The following TNNI3K variants were observed in gnomAD, a reference collection of about 807,000 sequenced individuals.
TNNI3K encodes TNNI3 interacting kinase.
A neutral mutation model predicts 114.5 loss-of-function variants in TNNI3K; 140 were observed. The ratio of observed to expected loss-of-function variants is 1.22; its 90% CI spans 1.07 to 1.41. The LOEUF (loss-of-function observed/expected upper bound fraction) is 1.41. TNNI3K is among the 40% of genes most tolerant of loss of function. The probability of loss-of-function intolerance (pLI) is 0.00; values close to 1 mark genes in which losing one functional copy is unlikely to be tolerated. For synonymous variants in TNNI3K, 347 were observed against 347.5 expected, an observed-to-expected ratio of 1.00 and a Z score of 0.02; for missense variants, 1,125 against 1,007.6, an observed-to-expected ratio of 1.12 and a Z score of -1.58.
At chr1:74,344,970 T>A (rs1295060072) in intron 9 of TNNI3K, among the ~76,000 whole-genome samples, 1 of 152,170 alleles carries the variant, frequency 6.6e-6, no homozygotes, top group Non-Finnish European at 1.5e-5. Flanking sequence ...GGTTTTCATA[T>A]GTATACACAC....
At chr1:74,508,624 G>T (rs964778711) in intron 23 of TNNI3K, among the ~76,000 whole-genome samples, 1 of 152,152 alleles carries the variant, frequency 6.6e-6, no homozygotes, top group Non-Finnish European at 1.5e-5. Context: ...CTGCCAGAGC[G>T]GTAGCATGGG....
chr1:74,276,719 T>C (rs1656708551), intron 5 of TNNI3K, among the ~76,000 whole-genome samples: 1 of 152,136 alleles, frequency 6.6e-6, no homozygotes, highest in Admixed American at 6.6e-5. Context: ...GGACTCTTTG[T>C]CTCCACATAT....
chr1:74,324,049 G>T (rs1187045406), intron 5 of TNNI3K, among the ~76,000 whole-genome samples: 1 of 152,136 alleles, frequency 6.6e-6, no homozygotes, highest in Non-Finnish European at 1.5e-5. Flanking sequence ...ATAAGGAAAA[G>T]GTCATAATTT....
intron 5 of TNNI3K, among the ~76,000 whole-genome samples, chr1:74,275,366 T>A (rs1393918478): frequency 6.6e-6 from 1 of 152,076 alleles, no homozygotes; most frequent in Non-Finnish European, 1.5e-5. Context: ...CTGAGACTTA[T>A]TCACTGCCAC....
chr1:74,385,704 C>CA (rs1171180178), intron 17 of TNNI3K, among the ~76,000 whole-genome samples: 1 of 152,170 alleles, frequency 6.6e-6, no homozygotes, highest in Non-Finnish European at 1.5e-5. Flanking sequence ...GTTAAGAGTT[C>CA]AGTCCAAGCA....
chr1:74,261,529 A>G (rs961371803), intron 4 of TNNI3K, among the ~76,000 whole-genome samples: 7 of 152,126 alleles, frequency 4.6e-5, no homozygotes, highest in South Asian at 2.1e-4. Flanking sequence ...ATATCCCTCT[A>G]TAGGGCATAC....
chr1:74,363,023 G>A (rs1452742444), intron 11 of TNNI3K, among the ~76,000 whole-genome samples: 1 of 151,780 alleles, frequency 6.6e-6, no homozygotes, highest in Non-Finnish European at 1.5e-5. Flanking sequence ...GGTGTAGATA[G>A]TAAATTCTTA....
Position 74,477,946 on chromosome 1 carries a change from A to G in TNNI3K, c.2122-11243A>G, listed in dbSNP as rs3737567. ...CATTACAGCTTCATAAAAACTTTTT[A>G]TCTACCAGTTCATAGTGTAAGTGTC... On this transcript the variant is annotated intron_variant, in intron 21 of 24. Transcript: ENST00000326637. 1.2e-4 allele frequency among the ~76,000 whole-genome samples: 18 copies of G among 152,330 alleles called. 1 individual carries two copies. In the East Asian group the frequency reaches 3.5e-3, roughly 29 times the overall value.
rs144258020 is a variant in TNNI3K, at chr1:74,475,689, A to G, written c.2121+12139A>G. 2,008 of 713,948 alleles carry G rather than the reference A, an allele frequency of 2.8e-3. 7 individuals carry two copies. The highest frequency in any genetic ancestry group is 4.3e-3 in the Non-Finnish European group (1,649 of 383,370). 44.2% of individuals were successfully genotyped at this position (713,948 alleles called of 1,614,324 possible). A position where few individuals can be genotyped will look rare whatever the true frequency, so the allele number is the denominator to read the frequency against. The stretch of plus-strand genomic sequence containing the variant: ...TAGTGTGGTAATTTCTTGCCTCATG[A>G]GCACACAGGGGTTCATCGAAGGTTC... On this transcript the variant is annotated intron_variant, in intron 21 of 24. Transcript: ENST00000326637.
intron 5 of TNNI3K, among the ~76,000 whole-genome samples, chr1:74,290,942 G>C (rs1361348925): frequency 6.6e-6 from 1 of 151,730 alleles, no homozygotes; most frequent in Non-Finnish European, 1.5e-5. Flanking sequence ...AAATACAGCA[G>C]ACAGCTTCTA....
intron 17 of TNNI3K, among the ~76,000 whole-genome samples, chr1:74,400,905 G>A (rs924005144): frequency 6.6e-6 from 1 of 152,234 alleles, no homozygotes; most frequent in East Asian, 1.9e-4. Context: ...ATTCACCCTG[G>A]CATTCCATAA....
chr1:74,477,890 A>G (rs1668285518), intron 21 of TNNI3K, among the ~76,000 whole-genome samples: 1 of 152,244 alleles, frequency 6.6e-6, no homozygotes, highest in Non-Finnish European at 1.5e-5. Context: ...GGGAAAATTA[A>G]TGATAAGTTC....
chr1:74,255,592 TTTTG>T (rs1655236631), intron 4 of TNNI3K, among the ~76,000 whole-genome samples: 1 of 152,220 alleles, frequency 6.6e-6, no homozygotes, highest in Admixed American at 6.5e-5. Flanking sequence ...TCATACATCT[TTTTG>T]TTTTAGTTTG....
intron 20 of TNNI3K, among the ~76,000 whole-genome samples, chr1:74,457,515 C>T (rs1185746815): frequency 6.6e-6 from 1 of 152,126 alleles, no homozygotes; most frequent in African/African-American, 2.4e-5. Flanking sequence ...TTGTAGAACA[C>T]ATTTGCTTTG....
At chr1:74,291,962 A>T (rs1370927125) in intron 5 of TNNI3K, among the ~76,000 whole-genome samples, 2 of 151,490 alleles carry the variant, frequency 1.3e-5, no homozygotes, top group Non-Finnish European at 1.5e-5. Context: ...TGTCCATTTA[A>T]TTGCAAATCT....
chr1:74,411,390 A>G (rs920103020), intron 17 of TNNI3K, among the ~76,000 whole-genome samples: 1 of 152,176 alleles, frequency 6.6e-6, no homozygotes, highest in African/African-American at 2.4e-5. Flanking sequence ...TGGTTCTTGT[A>G]AGTATCAACC....
intron 5 of TNNI3K, among the ~76,000 whole-genome samples, chr1:74,300,354 T>C (rs1220992502): frequency 6.6e-6 from 1 of 152,208 alleles, no homozygotes; most frequent in Non-Finnish European, 1.5e-5. Context: ...TATCAGAATC[T>C]CGCTTTCTAA....
chr1:74,295,008 A>G (rs968470865), intron 5 of TNNI3K, among the ~76,000 whole-genome samples: 6 of 151,822 alleles, frequency 4.0e-5, no homozygotes, highest in Admixed American at 3.3e-4. Flanking sequence ...TAATATTTAC[A>G]TTTAAGACTA....
chr1:74,336,944 G>T lies in TNNI3K; in HGVS notation c.682+795G>T, dbSNP rs544271918. On this transcript the variant is annotated intron_variant, in intron 7 of 24. Transcript: ENST00000326637. ...CGCCACACTGACTTCCACAATGGTT[G>T]AACTAGTCTACAGTCCCACCAACAG... Among the ~76,000 whole-genome samples, 8 of 152,140 alleles carry T rather than the reference G, an allele frequency of 5.3e-5. No individual in the cohort carries two copies. In the East Asian group the frequency reaches 5.8e-4, roughly 11 times the overall value.
Sources: allele counts gnomAD v4.1 joint callset (sites outside exome capture counted in the v4.1 genomes callset), GRCh38; gene constraint gnomAD v4.1.1; transcripts MANE v1.5; gene names NCBI Gene and HGNC (gene_info 2026-07-23, HGNC 2026-07-21).